The following DMGDH variants were observed in gnomAD, a reference collection of about 807,000 sequenced individuals.
DMGDH encodes dimethylglycine dehydrogenase, mitochondrial.
In DMGDH, 76 loss-of-function variants were observed where a neutral mutation model predicts 95.2. The observed-to-expected ratio is 0.80, with a 90% CI of 0.66 to 0.97. The LOEUF is 0.97. DMGDH is among the 50% of genes least tolerant of loss of function. The pLI, the probability that DMGDH is intolerant of heterozygous loss-of-function variation, is 0.00. For missense variants in DMGDH, 987 were observed against 1,055.0 expected (o/e 0.94, Z 0.89); for synonymous variants, 345 against 377.6 (o/e 0.91, Z 1.00).
chr5:79,018,565 G>C (rs937059732), intron 14 of DMGDH, among the ~76,000 whole-genome samples: 9 of 152,108 alleles, frequency 5.9e-5, no homozygotes, highest in African/African-American at 2.2e-4. Context: ...GGACACCCCG[G>C]GGATGAGGGA....
chr5:79,052,140 C>T (rs1428665556), intron 4 of DMGDH, among the ~76,000 whole-genome samples: 1 of 152,196 alleles, frequency 6.6e-6, no homozygotes, highest in Non-Finnish European at 1.5e-5. Flanking sequence ...TAAACCAACC[C>T]TGCATTCCTG....
intron 2 of DMGDH, among the ~76,000 whole-genome samples, chr5:79,061,713 A>T (rs1755215481): frequency 1.3e-5 from 2 of 152,138 alleles, no homozygotes; most frequent in Admixed American, 1.3e-4. Context: ...TGAGGCCAGG[A>T]GTTCAAGACC....
chr5:79,013,848 G>A (rs1049823260), intron 14 of DMGDH, among the ~76,000 whole-genome samples: 7 of 152,152 alleles, frequency 4.6e-5, no homozygotes, highest in African/African-American at 1.7e-4. Flanking sequence ...TCACTATTGT[G>A]AGGACAGTAC....
chr5:79,002,100 G>T (rs928699391), intron 15 of DMGDH, among the ~76,000 whole-genome samples: 1 of 152,010 alleles, frequency 6.6e-6, no homozygotes, highest in South Asian at 2.1e-4. Flanking sequence ...CATTTCTCTC[G>T]CAAATTATGA....
At chr5:79,062,645 T>G (rs773325528) in intron 2 of DMGDH, among the ~76,000 whole-genome samples, 3 of 152,092 alleles carry the variant, frequency 2.0e-5, no homozygotes. Context: ...GTAAGCCTAG[T>G]CAATTATGGC....
intron 7 of DMGDH, among the ~76,000 whole-genome samples, 160 bp downstream of exon 7, chr5:79,042,123 T>G (rs557185578): frequency 6.6e-6 from 1 of 152,364 alleles, no homozygotes; most frequent in African/African-American, 2.4e-5. Flanking sequence ...GTATGAATCC[T>G]TGGTCATGAA....
intron 7 of DMGDH, 147 bp from the exon 8 acceptor site, chr5:79,033,555 T>G: frequency 2.0e-6 from 2 of 1,005,168 alleles, no homozygotes; most frequent in Non-Finnish European, 3.0e-6. Context: ...GAACAATTTT[T>G]TCCTTAAAAG....
chr5:79,007,886 G>A (rs1336992000), intron 14 of DMGDH, among the ~76,000 whole-genome samples: 1 of 152,140 alleles, frequency 6.6e-6, no homozygotes, highest in Non-Finnish European at 1.5e-5. Context: ...GAGCTTCAGA[G>A]AACATGATCT....
chr5:79,047,810 A>G (rs1300451336), intron 5 of DMGDH, among the ~76,000 whole-genome samples: 3 of 152,218 alleles, frequency 2.0e-5, no homozygotes, highest in Admixed American at 6.5e-5. Flanking sequence ...CTTGCAAATC[A>G]TCTGGTACAG....
chr5:79,023,567 T>G (rs1753919596), intron 14 of DMGDH, among the ~76,000 whole-genome samples: 1 of 152,222 alleles, frequency 6.6e-6, no homozygotes, highest in Non-Finnish European at 1.5e-5. Context: ...GAGATTCTGA[T>G]TTAGTAGTTC....
chr5:79,062,869 G>A (rs765731549), intron 2 of DMGDH, among the ~76,000 whole-genome samples: 2 of 152,110 alleles, frequency 1.3e-5, no homozygotes, highest in Non-Finnish European at 2.9e-5. Context: ...CAAGGCAGGC[G>A]GATCATGAGG....
intron 14 of DMGDH, among the ~76,000 whole-genome samples, chr5:79,021,920 T>G (rs1396917639): frequency 6.6e-6 from 1 of 152,108 alleles, no homozygotes; most frequent in Non-Finnish European, 1.5e-5. Context: ...CTCCCCCAGG[T>G]CACTTTCCCT....
chr5:79,031,058 A>C (rs1754161611), intron 9 of DMGDH, 60 bp from the exon 10 acceptor site: 2 of 1,586,574 alleles, frequency 1.3e-6, no homozygotes, highest in Non-Finnish European at 1.7e-6. Flanking sequence ...AAATTACAGA[A>C]TACGATATTT....
At chr5:79,042,767 G>GT (rs1554036529) in intron 6 of DMGDH, among the ~76,000 whole-genome samples, 29 of 106,148 alleles carry the variant, frequency 2.7e-4, no homozygotes, top group African/African-American at 8.4e-4. Flanking sequence ...AATCCAATCA[G>GT]TTTTTTTTAA....
chr5:79,058,719 A>G (rs1755104906), intron 2 of DMGDH, among the ~76,000 whole-genome samples: 1 of 152,246 alleles, frequency 6.6e-6, no homozygotes. Context: ...AAATAAATTA[A>G]GAATTTGTAA....
chr5:79,038,881 T>A (rs1754422281), intron 7 of DMGDH, among the ~76,000 whole-genome samples: 1 of 151,610 alleles, frequency 6.6e-6, no homozygotes, highest in Non-Finnish European at 1.5e-5. Context: ...AACAACCCCA[T>A]CAAAAAGTGG....
chr5:78,997,805 A>G lies in DMGDH; in HGVS notation c.*277T>C, dbSNP rs769448367. ...TATAGTAATGATTGTGTATATTAGC[A>G]AACACCTAAATGTTTTACTGATTGG... On this transcript the variant is annotated 3_prime_UTR_variant, in exon 16 of 16. Coordinates refer to ENST00000255189, the MANE Select transcript of DMGDH (RefSeq NM_013391.3). 1.2e-4 allele frequency: 51 copies of G among 438,078 alleles called. No homozygotes were observed. Among genetic ancestry groups the G allele is most frequent in the Non-Finnish European group, 2.0e-4 (49 of 241,216 alleles). The allele number at this position is 438,078 out of a possible 1,614,324, so 27.1% of individuals were successfully genotyped here. A position where few individuals can be genotyped will look rare whatever the true frequency, so the allele number is the denominator to read the frequency against.
intron 15 of DMGDH, among the ~76,000 whole-genome samples, chr5:78,999,150 GATCATTC>G (rs1753409536): frequency 6.6e-6 from 1 of 152,196 alleles, no homozygotes. Flanking sequence ...TCAGCCTGGT[GATCATTC>G]AGCTGCCTCA....
At chr5:79,034,840 G>T (rs6868551) in intron 7 of DMGDH, among the ~76,000 whole-genome samples, 1 of 151,820 alleles carries the variant, frequency 6.6e-6, no homozygotes, top group Non-Finnish European at 1.5e-5. Context: ...GGCGGATCAC[G>T]AGGTCAGGAG....
Sources: gnomAD v4.1 joint callset for allele counts (sites outside exome capture counted in the v4.1 genomes callset) on GRCh38, gnomAD v4.1.1 for gene constraint, MANE v1.5 for transcripts, NCBI Gene and HGNC (gene_info 2026-07-23, HGNC 2026-07-21) for gene names.